The following CAPSL variants were observed in gnomAD, a reference collection of about 807,000 sequenced individuals.
CAPSL encodes the protein calcyphosin-like protein.
A neutral mutation model predicts 21.3 loss-of-function variants in CAPSL; 17 were observed. The observed-to-expected ratio is 0.80, with a 90% CI of 0.55 to 1.20. The LOEUF is 1.20. Among genes scored for constraint, CAPSL ranks in the 50% most tolerant of loss-of-function variants. CAPSL has a pLI of 0.00. For synonymous variants in CAPSL, 102 were observed against 89.3 expected (o/e 1.14, Z -0.80); for missense variants, 289 against 259.3 (o/e 1.11, Z -0.79).
intron 1 of CAPSL, among the ~76,000 whole-genome samples, chr5:35,925,123 G>T (rs1261229105): frequency 6.6e-6 from 1 of 152,260 alleles, no homozygotes; most frequent in Non-Finnish European, 1.5e-5. Flanking sequence ...CCCCGGCCAG[G>T]CATGCGGTTC....
At chr5:35,912,959 A>G (rs111895575) in intron 2 of CAPSL, among the ~76,000 whole-genome samples, 3,339 of 151,900 alleles carry the variant, frequency 0.022, 121 homozygotes, top group African/African-American at 0.077. Flanking sequence ...AAAAACCTTG[A>G]AAAAAAAATT....
chr5:35,906,840 G>C (rs562790634), intron 4 of CAPSL, among the ~76,000 whole-genome samples: 1 of 152,150 alleles, frequency 6.6e-6, no homozygotes, highest in Admixed American at 6.5e-5. Context: ...ATGGGCAAAA[G>C]ATAAAGGAAG....
intron 2 of CAPSL, among the ~76,000 whole-genome samples, chr5:35,915,777 G>A (rs1384732116): frequency 6.6e-6 from 1 of 152,144 alleles, no homozygotes; most frequent in South Asian, 2.1e-4. Flanking sequence ...CAAAAAACTG[G>A]AAGCATTCCA....
chr5:35,924,119 T>C (rs1300538224), intron 1 of CAPSL, among the ~76,000 whole-genome samples: 3 of 152,196 alleles, frequency 2.0e-5, no homozygotes, highest in African/African-American at 7.2e-5. Context: ...CTACTATTAT[T>C]GGTATTTCAC....
chr5:35,919,192 A>ATATAT (rs1561439742), intron 2 of CAPSL, among the ~76,000 whole-genome samples: 3,054 of 107,716 alleles, frequency 0.028, 54 homozygotes, highest in Non-Finnish European at 0.034. Flanking sequence ...TATATATATA[A>ATATAT]AAATTGTGAA....
At chr5:35,919,097 T>C (rs1738464918) in intron 2 of CAPSL, among the ~76,000 whole-genome samples, 1 of 150,000 alleles carries the variant, frequency 6.7e-6, no homozygotes, top group Admixed American at 6.7e-5. Context: ...TTTGTTTTGT[T>C]TGGATTGGAT....
At chr5:35,925,745 C>CA (rs1738657244) in intron 1 of CAPSL, among the ~76,000 whole-genome samples, 1 of 151,788 alleles carries the variant, frequency 6.6e-6, no homozygotes, top group Admixed American at 6.6e-5. Context: ...CAGGAGACCA[C>CA]AAAAAAGGGA....
intron 4 of CAPSL, among the ~76,000 whole-genome samples, chr5:35,905,626 T>A (rs945541757): frequency 6.6e-6 from 1 of 152,244 alleles, no homozygotes; most frequent in Non-Finnish European, 1.5e-5. Context: ...AAAATTAGGA[T>A]ACCATTAGCA....
At chr5:35,920,412 C>T (rs895343639) in intron 2 of CAPSL, among the ~76,000 whole-genome samples, 4 of 152,176 alleles carry the variant, frequency 2.6e-5, no homozygotes, top group Non-Finnish European at 4.4e-5. Flanking sequence ...CCTCAGGAGG[C>T]TCACAATCTC....
chr5:35,926,760 C>A (rs1040112372), intron 1 of CAPSL, among the ~76,000 whole-genome samples: 1 of 152,206 alleles, frequency 6.6e-6, no homozygotes, highest in Non-Finnish European at 1.5e-5. Context: ...CCCTAGAGAT[C>A]GTTGATCCAG....
intron 1 of CAPSL, among the ~76,000 whole-genome samples, chr5:35,933,843 C>G (rs765158333): frequency 1.2e-4 from 18 of 152,082 alleles, no homozygotes; most frequent in Non-Finnish European, 2.4e-4. Flanking sequence ...AGAAAATATA[C>G]AAGAATTTTA....
chr5:35,933,661 A>G (rs1422073544), intron 1 of CAPSL, among the ~76,000 whole-genome samples: 1 of 152,180 alleles, frequency 6.6e-6, no homozygotes, highest in Non-Finnish European at 1.5e-5. Flanking sequence ...CCTCGGTGTG[A>G]AGAACTCCTG....
At chr5:35,928,699 T>G (rs1738746128) in intron 1 of CAPSL, among the ~76,000 whole-genome samples, 1 of 152,162 alleles carries the variant, frequency 6.6e-6, no homozygotes, top group African/African-American at 2.4e-5. Context: ...TAGAGTGTTA[T>G]TGGCATCTAA....
At chr5:35,918,656 TTTAAATGTCC>T (rs1230796331) in intron 2 of CAPSL, among the ~76,000 whole-genome samples, 15 of 152,182 alleles carry the variant, frequency 9.9e-5, no homozygotes, top group African/African-American at 3.1e-4. Context: ...TCTAAAGACT[TTTAAATGTCC>T]TTAAATGCTA....
chr5:35,934,096 T>G (rs922192409), intron 1 of CAPSL, among the ~76,000 whole-genome samples: 1 of 152,244 alleles, frequency 6.6e-6, no homozygotes, highest in Non-Finnish European at 1.5e-5. Flanking sequence ...TGAACCTTGA[T>G]ATGTTTTCTT....
intron 1 of CAPSL, among the ~76,000 whole-genome samples, chr5:35,923,905 T>C (rs1423965346): frequency 6.6e-6 from 1 of 152,116 alleles, no homozygotes; most frequent in Admixed American, 6.5e-5. Flanking sequence ...TTCATCTCAA[T>C]AAAATAAAAC....
At position 35,910,388 on chromosome 5, in the gene CAPSL, T is replaced by G; in HGVS notation, c.293A>C (p.Asn98Thr). 1 of 1,613,484 alleles carries G rather than the reference T, an allele frequency of 6.2e-7. No homozygotes were observed. The highest frequency in any genetic ancestry group is 8.5e-7 in the Non-Finnish European group (1 of 1,179,814). Residue 98 changes from asparagine to threonine, a missense_variant, in exon 3 of 5, where the codon AAT (asparagine) becomes ACT (threonine). Coordinates refer to ENST00000651391, the MANE Select transcript of CAPSL (RefSeq NM_001042625.2). The part of the protein sequence containing the change: ...DKDGNGTIDF[N>T]EFLLTLRPPM... ...TACTCTTAATGTGAGAAGAAATTCA[T>G]TGAAGTCTATTGTTCCATTTCCATC...
At chr5:35,915,076 A>G (rs1738337224) in intron 2 of CAPSL, among the ~76,000 whole-genome samples, 1 of 152,238 alleles carries the variant, frequency 6.6e-6, no homozygotes, top group Non-Finnish European at 1.5e-5. Context: ...AGAATACTAT[A>G]AACACTTCTA....
chr5:35,917,516 C>A (rs369474923), intron 2 of CAPSL, among the ~76,000 whole-genome samples: 1 of 152,052 alleles, frequency 6.6e-6, no homozygotes, highest in African/African-American at 2.4e-5. Context: ...CACATATACA[C>A]CATGGAATAC....
Sources: allele counts gnomAD v4.1 joint callset (sites outside exome capture counted in the v4.1 genomes callset), GRCh38; gene constraint gnomAD v4.1.1; transcripts MANE v1.5; gene names NCBI Gene and HGNC (gene_info 2026-07-23, HGNC 2026-07-21).